Variants in FLNB observed in about 807,000 individuals in gnomAD.
FLNB encodes filamin B.
Under a neutral mutation model 250.6 loss-of-function variants are expected in FLNB, and 111 were observed. The ratio of observed to expected loss-of-function variants is 0.44; its 90% confidence interval spans 0.38 to 0.52. The LOEUF (loss-of-function observed/expected upper bound fraction) is 0.52. FLNB is among the 20% of genes least tolerant of loss of function. FLNB has a pLI of 0.00. For missense variants in FLNB, 2,869 were observed against 3,447.8 expected (o/e 0.83, Z 4.20); for synonymous variants, 1,302 against 1,372.1 (o/e 0.95, Z 1.13).
At position 58,146,960 on chromosome 3, in the gene FLNB, A is replaced by T. The variant is rs776474063; in HGVS notation, c.5695A>T (p.Ile1899Phe). The T allele has an allele frequency of 6.2e-7, 1 of 1,614,144 alleles. No individual in the cohort carries two copies. Among genetic ancestry groups the T allele is most frequent in the African/African-American group, 1.3e-5 (1 of 75,050 alleles). ...SILVKYNDKHIPGSPFTAKIT... is the reference protein window; with the variant it reads ...SILVKYNDKHFPGSPFTAKIT... Reference sequence around the variant, plus strand: ...TCTGGTCAAGTACAATGACAAGCACATCCCTGGCAGCCCCTTCACAGCCAA... The same window carrying T: ...TCTGGTCAAGTACAATGACAAGCACTTCCCTGGCAGCCCCTTCACAGCCAA... Residue 1899 changes from isoleucine to phenylalanine, a missense_variant, in exon 34 of 46, where the codon ATC becomes TTC. Ile to Phe is a conservative substitution (Grantham distance 21). Around this residue, in one of 5 missense-constraint regions of FLNB, gnomAD observed 1,084 missense variants for 1,315.5 expected, o/e 0.82. Coordinates refer to ENST00000295956, the MANE Select transcript of FLNB (RefSeq NM_001457.4).
chr3:58,075,181 G>A (rs765393677), intron 1 of FLNB, among the ~76,000 whole-genome samples: 2 of 152,082 alleles, frequency 1.3e-5, no homozygotes, highest in Admixed American at 6.6e-5. Flanking sequence ...AATTTGGCAT[G>A]TGTTCAACCA....
chr3:58,158,982 CTG>C lies in FLNB; in HGVS notation c.6889-571_6889-570del, dbSNP rs1233404730. ...TATGCCCATTTTACAGATGAGGAAA[CTG>C]AGACTCGAAGAGGTTTGGCACCCTA... On this transcript the variant is annotated intron_variant, in intron 41 of 45. Coordinates refer to ENST00000295956, the MANE Select transcript of FLNB (RefSeq NM_001457.4). Among the ~76,000 whole-genome samples, 3 of 151,692 alleles carry C rather than the reference CTG, an allele frequency of 2.0e-5. No individual in the cohort carries two copies. In the East Asian group the frequency reaches 5.8e-4, roughly 29 times the overall value.
At chr3:58,143,996 G>T (rs1559726421) in intron 32 of FLNB, among the ~76,000 whole-genome samples, 1 of 152,034 alleles carries the variant, frequency 6.6e-6, no homozygotes, top group African/African-American at 2.4e-5. Flanking sequence ...AAGAGGACCA[G>T]CAGCCCTGGA....
chr3:58,134,591 G>A, intron 26 of FLNB, 25 bp from the exon 27 acceptor site: 1 of 1,565,926 alleles, frequency 6.4e-7, no homozygotes, highest in Non-Finnish European at 8.8e-7. Flanking sequence ...TATTGACTAG[G>A]GTGTGTGTGT....
intron 1 of FLNB, among the ~76,000 whole-genome samples, chr3:58,059,453 A>G (rs2097174903): frequency 6.6e-6 from 1 of 152,122 alleles, no homozygotes; most frequent in African/African-American, 2.4e-5. Flanking sequence ...AGCTGCTCTG[A>G]GATGTAGACA....
At chr3:58,021,699 T>C (rs943111778) in intron 1 of FLNB, among the ~76,000 whole-genome samples, 1 of 152,178 alleles carries the variant, frequency 6.6e-6, no homozygotes, top group Non-Finnish European at 1.5e-5. Context: ...CTCAGCACTA[T>C]TGTCTGACAT....
chr3:58,104,346 A>G (rs1266656538), intron 10 of FLNB, among the ~76,000 whole-genome samples: 3 of 152,184 alleles, frequency 2.0e-5, no homozygotes, highest in South Asian at 2.1e-4. Flanking sequence ...AGGAGCAGTT[A>G]GAGCAAATGG....
intron 1 of FLNB, among the ~76,000 whole-genome samples, chr3:58,040,117 C>T (rs1041264792): frequency 6.6e-6 from 1 of 152,106 alleles, no homozygotes; most frequent in Non-Finnish European, 1.5e-5. Context: ...TGTACTCTAG[C>T]CTGGGCAACA....
chr3:58,104,469 G>A (rs1364493051), intron 10 of FLNB, among the ~76,000 whole-genome samples: 8 of 152,216 alleles, frequency 5.3e-5, no homozygotes, highest in Admixed American at 2.6e-4. Context: ...GACCGTCTAC[G>A]TGAGTGCTGT....
intron 1 of FLNB, among the ~76,000 whole-genome samples, chr3:58,058,790 T>C (rs1269028201): frequency 6.6e-6 from 1 of 152,248 alleles, no homozygotes; most frequent in East Asian, 1.9e-4. Flanking sequence ...CCTTATTTCC[T>C]GTCTTCCTTT....
chr3:58,072,838 C>T (rs1485229953), intron 1 of FLNB, among the ~76,000 whole-genome samples: 2 of 152,176 alleles, frequency 1.3e-5, no homozygotes, highest in Non-Finnish European at 2.9e-5. Flanking sequence ...GCTCAGACTT[C>T]AACTGGATCA....
intron 1 of FLNB, among the ~76,000 whole-genome samples, chr3:58,045,960 C>G (rs1247623194): frequency 7.7e-6 from 1 of 130,012 alleles, no homozygotes; most frequent in African/African-American, 2.9e-5. Context: ...GATCATACCA[C>G]TGCACTACAG....
At chr3:58,037,618 C>T (rs1256933079) in intron 1 of FLNB, among the ~76,000 whole-genome samples, 1 of 152,168 alleles carries the variant, frequency 6.6e-6, no homozygotes, top group Non-Finnish European at 1.5e-5. Context: ...TGCATTCCCA[C>T]AGCACTGTGC....
chr3:58,133,435 TGGAAAAAAA>T, intron 26 of FLNB, among the ~76,000 whole-genome samples: 1 of 107,176 alleles, frequency 9.3e-6, no homozygotes, highest in African/African-American at 3.3e-5. Flanking sequence ...CTGACATCTC[TGGAAAAAAA>T]AAAAAAAAAA....
At chr3:58,108,260 T>G (rs2097263000) in intron 12 of FLNB, among the ~76,000 whole-genome samples, 198 bp from the exon 13 acceptor site, 1 of 152,236 alleles carries the variant, frequency 6.6e-6, no homozygotes, top group Non-Finnish European at 1.5e-5. Flanking sequence ...GTTTTCTCCC[T>G]TATGAGGGAG....
chr3:58,127,655 A>G (rs1436385389), intron 24 of FLNB, among the ~76,000 whole-genome samples: 1 of 152,200 alleles, frequency 6.6e-6, no homozygotes, highest in Non-Finnish European at 1.5e-5. Flanking sequence ...ATTTGTGGCA[A>G]CCAAAAATGT....
chr3:58,114,893 A>G (rs1045149143), intron 18 of FLNB, among the ~76,000 whole-genome samples: 2 of 151,526 alleles, frequency 1.3e-5, no homozygotes, highest in Non-Finnish European at 2.9e-5. Flanking sequence ...TTTTATATCA[A>G]CCTTCTTAAT....
chr3:58,018,327 CTTTTTTT>C (rs60851192), intron 1 of FLNB, among the ~76,000 whole-genome samples: 9 of 63,242 alleles, frequency 1.4e-4, no homozygotes, highest in African/African-American at 3.8e-4. Context: ...TATTCATTGA[CTTTTTTT>C]TTTTTTTTTT....
At chr3:58,022,878 C>T (rs1478801797) in intron 1 of FLNB, among the ~76,000 whole-genome samples, 4 of 151,538 alleles carry the variant, frequency 2.6e-5, no homozygotes, top group Non-Finnish European at 4.4e-5. Context: ...AGTACAGTGG[C>T]GCAATCTTGG....
Sources: allele counts gnomAD v4.1 joint callset (sites outside exome capture counted in the v4.1 genomes callset), GRCh38; gene constraint gnomAD v4.1.1; regional missense constraint gnomAD v4.1.1; transcripts MANE v1.5; gene names NCBI Gene and HGNC (gene_info 2026-07-23, HGNC 2026-07-21).